Variants in BCAS4 observed in about 807,000 individuals in gnomAD.
BCAS4 encodes the protein breast carcinoma-amplified sequence 4.
Under a neutral mutation model 15.7 loss-of-function variants are expected in BCAS4, and 9 were observed. The observed-to-expected ratio is 0.57, with a 90% CI of 0.34 to 1.00. The LOEUF (loss-of-function observed/expected upper bound fraction) is 1.00. Among genes scored for constraint, BCAS4 ranks in the 50% least tolerant of loss-of-function variants. The pLI, the probability that BCAS4 is intolerant of heterozygous loss-of-function variation, is 0.02. For synonymous variants in BCAS4, 101 were observed against 99.5 expected, an observed-to-expected ratio of 1.02 and a Z score of -0.09; for missense variants, 225 against 239.1, an observed-to-expected ratio of 0.94 and a Z score of 0.39.
intron 3 of BCAS4, among the ~76,000 whole-genome samples, chr20:50,838,450 C>T (rs562050637): frequency 1.1e-4 from 17 of 152,328 alleles, no homozygotes; most frequent in African/African-American, 3.8e-4. Context: ...TGGCTCACCC[C>T]TGTAATCCCA....
At chr20:50,863,551 C>T (rs924873020) in intron 4 of BCAS4, among the ~76,000 whole-genome samples, 3 of 152,180 alleles carry the variant, frequency 2.0e-5, no homozygotes, top group African/African-American at 7.2e-5. Flanking sequence ...AGACATCACA[C>T]CCGGCCTAGT....
Position 50,836,192 on chromosome 20 carries a change from C to T in BCAS4, c.265-5574C>T, listed in dbSNP as rs915574035. ...CAGCCTCCCAAAGTGGTGGGATTAC[C>T]GGCGTGAGCCACTGCGCCTGGCTGG... On this transcript the variant is annotated intron_variant, in intron 3 of 4. Transcript: ENST00000371608. 1.1e-4 allele frequency among the ~76,000 whole-genome samples: 16 copies of T among 152,030 alleles called. 1 individual carries two copies. The highest frequency in any genetic ancestry group is 7.2e-4 in the Admixed American group (11 of 15,266).
At chr20:50,862,358 C>T (rs1169385836) in intron 4 of BCAS4, among the ~76,000 whole-genome samples, 1 of 152,202 alleles carries the variant, frequency 6.6e-6, no homozygotes, top group African/African-American at 2.4e-5. Flanking sequence ...CCGTCTCTCC[C>T]TCTTTTCCTT....
chr20:50,867,281 A>G (rs1453505151), intron 4 of BCAS4, among the ~76,000 whole-genome samples: 1 of 152,134 alleles, frequency 6.6e-6, no homozygotes, highest in African/African-American at 2.4e-5. Context: ...CCTCTGGCCT[A>G]TGACAGTTTC....
chr20:50,823,499 T>C (rs896625924), intron 2 of BCAS4, among the ~76,000 whole-genome samples: 9 of 152,070 alleles, frequency 5.9e-5, no homozygotes, highest in Admixed American at 2.6e-4. Context: ...CACAGCAACA[T>C]AGATGATCTC....
At chr20:50,861,566 G>A (rs1299083702) in intron 4 of BCAS4, among the ~76,000 whole-genome samples, 1 of 152,220 alleles carries the variant, frequency 6.6e-6, no homozygotes, top group Non-Finnish European at 1.5e-5. Flanking sequence ...ACAGAGGGAT[G>A]GGGTTGGCAG....
At position 50,841,900 on chromosome 20, in the gene BCAS4, C is replaced by A. The variant is rs566645256; in HGVS notation, c.399C>A (p.Asn133Lys). ...LGSAGLPSFR[N>K]KSPAPVPVTY... is the part of the protein sequence containing the mutation. ...CCGCAGGGCTCCCCTCCTTCAGGAA[C>A]GTGAGTATCCTGCCCCGAGAAGTGA... is the stretch of plus-strand genomic sequence containing the variant. The change falls in exon 4 of 5, where the codon AAC (asparagine) becomes AAA (lysine). Residue 133 changes from asparagine to lysine, a missense_variant and splice_region_variant. Asn to Lys is a moderately conservative substitution (Grantham distance 94). Coordinates refer to ENST00000371608, the MANE Select transcript of BCAS4 (RefSeq NM_198799.4). 3 of 1,575,066 alleles carry A rather than the reference C, an allele frequency of 1.9e-6. No homozygotes were observed. The highest frequency in any genetic ancestry group is 2.3e-5 in the South Asian group (2 of 86,652).
intron 4 of BCAS4, among the ~76,000 whole-genome samples, chr20:50,855,077 C>G (rs540552184): frequency 6.6e-6 from 1 of 152,292 alleles, no homozygotes; most frequent in Non-Finnish European, 1.5e-5. Context: ...TGGGCACACC[C>G]GCCAGGGGTG....
Position 50,802,880 on chromosome 20 carries a change from CAAACA to C in BCAS4, c.90+7718_90+7722del, listed in dbSNP as rs956083999. ...CAGAGCCAGACTCCATCTCAAAAAA[CAAACA>C]AAACAAAACACGTTGGCTGGCCATG... On this transcript the variant is annotated intron_variant, in intron 1 of 4. Transcript: ENST00000371608. Among the ~76,000 whole-genome samples, 197 of 147,714 alleles carry C rather than the reference CAAACA, an allele frequency of 1.3e-3. 1 individual carries two copies. Among genetic ancestry groups the C allele is most frequent in the African/African-American group, 4.8e-3 (190 of 39,988 alleles).
chr20:50,873,114 A>ATTAG (rs1273134316), intron 4 of BCAS4, among the ~76,000 whole-genome samples: 1 of 152,192 alleles, frequency 6.6e-6, no homozygotes, highest in Non-Finnish European at 1.5e-5. Flanking sequence ...GGTTTCTTAC[A>ATTAG]TTAGTTCTCT....
At chr20:50,857,713 T>C (rs1196434385) in intron 4 of BCAS4, among the ~76,000 whole-genome samples, 1 of 152,142 alleles carries the variant, frequency 6.6e-6, no homozygotes, top group Non-Finnish European at 1.5e-5. Flanking sequence ...GACCCCCACC[T>C]CCACTTCCAC....
At position 50,807,901 on chromosome 20, in the gene BCAS4, TC is replaced by T. The variant is rs1282112458; in HGVS notation, c.91-10309del. On this transcript the variant is annotated intron_variant, in intron 1 of 4. Coordinates refer to ENST00000371608, the MANE Select transcript of BCAS4 (RefSeq NM_198799.4). ...ATCTATATGTATATATGCCACATAT[TC>T]TTTTTTTTTTTTTTTTTTTCTTCAG... Among the ~76,000 whole-genome samples the T allele has an allele frequency of 2.0e-5, 3 of 146,954 alleles. No homozygotes were observed. In the East Asian group the frequency reaches 5.9e-4, roughly 29 times the overall value.
chr20:50,866,606 G>A (rs143064239), intron 4 of BCAS4, among the ~76,000 whole-genome samples: 17 of 152,326 alleles, frequency 1.1e-4, no homozygotes, highest in Admixed American at 2.0e-4. Context: ...AAGGTGACCC[G>A]TTTGTGCTCT....
intron 4 of BCAS4, among the ~76,000 whole-genome samples, chr20:50,855,260 A>G (rs949638589): frequency 1.3e-5 from 2 of 151,786 alleles, no homozygotes; most frequent in Admixed American, 6.6e-5. Context: ...CTCTCTTCCC[A>G]TCTCCATCTC....
At chr20:50,854,928 G>A (rs756922219) in intron 4 of BCAS4, among the ~76,000 whole-genome samples, 20 of 152,180 alleles carry the variant, frequency 1.3e-4, no homozygotes, top group Non-Finnish European at 2.1e-4. Context: ...TGGCTCACTC[G>A]CCTCTGAGCT....
At chr20:50,850,149 A>G (rs1288650856) in intron 4 of BCAS4, among the ~76,000 whole-genome samples, 1 of 152,186 alleles carries the variant, frequency 6.6e-6, no homozygotes, top group African/African-American at 2.4e-5. Flanking sequence ...GGAACTCTTC[A>G]ACTCTAAACA....
At chr20:50,807,794 G>C (rs1007094158) in intron 1 of BCAS4, among the ~76,000 whole-genome samples, 1 of 152,056 alleles carries the variant, frequency 6.6e-6, no homozygotes, top group Non-Finnish European at 1.5e-5. Context: ...ACTTCGCTTA[G>C]AGTAATGGTC....
intron 3 of BCAS4, chr20:50,840,546 G>C (rs2088465298): frequency 2.0e-6 from 3 of 1,489,292 alleles, no homozygotes; most frequent in Admixed American, 1.7e-5. Context: ...GAGTTAAACA[G>C]CTAAAAGAAG....
chr20:50,795,782 G>A (rs1298386233), intron 1 of BCAS4, among the ~76,000 whole-genome samples: 1 of 152,242 alleles, frequency 6.6e-6, no homozygotes, highest in Non-Finnish European at 1.5e-5. Context: ...CAGTACAGGA[G>A]TATTTAACAT....
Sources: allele counts gnomAD v4.1 joint callset (sites outside exome capture counted in the v4.1 genomes callset), GRCh38; gene constraint gnomAD v4.1.1; transcripts MANE v1.5; gene names NCBI Gene and HGNC (gene_info 2026-07-23, HGNC 2026-07-21).